The following STK3 variants were observed in gnomAD, a reference collection of about 807,000 sequenced individuals.
The protein encoded by STK3 is serine/threonine kinase 3.
A neutral mutation model predicts 58.0 loss-of-function variants in STK3; 41 were observed. The observed-to-expected ratio is 0.71, with a 90% CI of 0.55 to 0.92. STK3 has a LOEUF of 0.92. Among genes scored for constraint, STK3 ranks in the 40% least tolerant of loss-of-function variants. STK3 has a pLI of 0.00. For synonymous variants in STK3, 170 were observed against 191.0 expected, an observed-to-expected ratio of 0.89 and a Z score of 0.91; for missense variants, 479 against 602.7, an observed-to-expected ratio of 0.79 and a Z score of 2.15.
intron 8 of STK3, among the ~76,000 whole-genome samples, chr8:98,567,491 C>T (rs1455682861): frequency 3.3e-5 from 5 of 152,148 alleles, no homozygotes; most frequent in African/African-American, 1.2e-4. Flanking sequence ...AGCCACCGTG[C>T]CTGGACCATT....
chr8:98,858,202 C>T (rs769885592), intron 3 of STK3, among the ~76,000 whole-genome samples: 7 of 148,836 alleles, frequency 4.7e-5, no homozygotes, highest in Non-Finnish European at 7.4e-5. Flanking sequence ...GCCAACATGA[C>T]GAAACCCAGT....
intron 10 of STK3, among the ~76,000 whole-genome samples, chr8:98,504,618 G>T (rs549298427): frequency 5.3e-5 from 8 of 152,274 alleles, no homozygotes; most frequent in African/African-American, 1.7e-4. Context: ...TTGCTTGTTT[G>T]TAATGGATTT....
chr8:98,543,659 A>G (rs1277685975), intron 9 of STK3, among the ~76,000 whole-genome samples: 1 of 152,148 alleles, frequency 6.6e-6, no homozygotes, highest in East Asian at 1.9e-4. Context: ...TTTTCTGTAA[A>G]GTAGGGAGCA....
At chr8:98,925,645 A>T (rs1839760678) in intron 1 of STK3, among the ~76,000 whole-genome samples, 1 of 152,100 alleles carries the variant, frequency 6.6e-6, no homozygotes, top group Non-Finnish European at 1.5e-5. Context: ...TTCATCTGAA[A>T]GTTGTATTGT....
chr8:98,796,759 G>A (rs1047996180), intron 1 of STK3, among the ~76,000 whole-genome samples: 4 of 152,020 alleles, frequency 2.6e-5, no homozygotes, highest in African/African-American at 4.8e-5. Flanking sequence ...AAATCAAAAA[G>A]TAAAAAGCAA....
chr8:98,800,019 AAAGGCTTCTGAAATCAG>A lies in STK3; in HGVS notation c.27-25217_27-25201del, dbSNP rs1248591741. Among the ~76,000 whole-genome samples the A allele has an allele frequency of 6.6e-6, 1 of 152,144 alleles. No homozygotes were observed. Among genetic ancestry groups the A allele is most frequent in the African/African-American group, 2.4e-5 (1 of 41,430 alleles). ...AAGATGCCACCCAGCGTTTACAGGA[AAAGGCTTCTGAAATCAG>A]ACGCCTTTCAAATTCTTATACCAAC... On this transcript the variant is annotated intron_variant, in intron 1 of 10. Coordinates refer to ENST00000419617, the MANE Select transcript of STK3 (RefSeq NM_006281.4). The surrounding 1 kb of genome is among the most constrained non-coding windows in gnomAD (Gnocchi z 4.8).
At chr8:98,782,564 C>T (rs912929949) in intron 1 of STK3, 5 of 306,282 alleles carry the variant, frequency 1.6e-5, no homozygotes, top group African/African-American at 6.8e-5. Context: ...CCATGAAGAG[C>T]GCCTCCAGGC....
intron 6 of STK3, among the ~76,000 whole-genome samples, chr8:98,670,241 T>C (rs1254442261): frequency 6.6e-6 from 1 of 152,006 alleles, no homozygotes; most frequent in Non-Finnish European, 1.5e-5. Flanking sequence ...TGGTGGTGTG[T>C]GCCTATAGTA....
At chr8:98,381,263 A>T (rs899016183) in intron 1 of STK3, among the ~76,000 whole-genome samples, 1 of 152,008 alleles carries the variant, frequency 6.6e-6, no homozygotes, top group African/African-American at 2.4e-5. Context: ...GAGCCACCAC[A>T]TGTGGTCTAT....
In STK3 at chr8:98,660,525, T is replaced by C. The variant is rs576408206; in HGVS notation, c.684+45942A>G. Among the ~76,000 whole-genome samples the C allele has an allele frequency of 5.3e-5, 8 of 152,172 alleles. No individual in the cohort carries two copies. In the East Asian group the frequency reaches 1.3e-3, roughly 26 times the overall value. ...AATGGTACATCTTACAGGTAAAACA[T>C]GTATGTTATGTGTTACAACTTTAGG... On this transcript the variant is annotated intron_variant, in intron 6 of 10. Transcript: ENST00000419617.
chr8:98,514,194 G>A (rs902034351), intron 10 of STK3, among the ~76,000 whole-genome samples: 2 of 152,144 alleles, frequency 1.3e-5, no homozygotes, highest in African/African-American at 4.8e-5. Flanking sequence ...TCTTCTCTAA[G>A]ATGTAGGGTG....
rs1290332302 is a variant in STK3 at position 98,618,172 on chromosome 8, T to C, written c.685-22003A>G. ...GGCTGGTTCAATATACAGAAATCAA[T>C]AAATGTAATCCAGCATATAAACAGA... On this transcript the variant is annotated intron_variant, in intron 6 of 10. Transcript: ENST00000419617. Among the ~76,000 whole-genome samples, 99 of 151,944 alleles carry C rather than the reference T, an allele frequency of 6.5e-4. 1 individual carries two copies. The highest frequency in any genetic ancestry group is 2.4e-3 in the African/African-American group (98 of 41,398).
intron 1 of STK3, among the ~76,000 whole-genome samples, chr8:98,923,850 T>TGCGC (rs1210763605): frequency 6.6e-5 from 8 of 121,592 alleles, no homozygotes; most frequent in South Asian, 2.5e-4. Context: ...TGTGTGTGTG[T>TGCGC]GTGTGCGCGC....
intron 6 of STK3, among the ~76,000 whole-genome samples, chr8:98,639,046 G>GA (rs1819823206): frequency 6.6e-6 from 1 of 151,188 alleles, no homozygotes; most frequent in Admixed American, 6.6e-5. Flanking sequence ...ATAAAGCTGT[G>GA]AAAAGGCAAT....
chr8:98,553,819 G>C (rs1201799824), intron 8 of STK3, among the ~76,000 whole-genome samples: 2 of 151,968 alleles, frequency 1.3e-5, no homozygotes, highest in African/African-American at 4.8e-5. Context: ...CAAAAAATTA[G>C]CCAGGCATGG....
At chr8:98,578,933 T>C (rs865941812) in intron 8 of STK3, among the ~76,000 whole-genome samples, 1 of 152,210 alleles carries the variant, frequency 6.6e-6, no homozygotes, top group Middle Eastern at 3.4e-3. Context: ...GGTAGATTAC[T>C]TGAGGTCAGG....
chr8:98,380,211 A>G (rs1306503259), intron 1 of STK3, among the ~76,000 whole-genome samples: 2 of 152,186 alleles, frequency 1.3e-5, no homozygotes, highest in Non-Finnish European at 2.9e-5. Flanking sequence ...CAAGGTGAAT[A>G]CGCTCTACGT....
At chr8:98,816,966 G>A (rs1375647187) in intron 1 of STK3, among the ~76,000 whole-genome samples, 1 of 152,130 alleles carries the variant, frequency 6.6e-6, no homozygotes, top group Non-Finnish European at 1.5e-5. Context: ...TCAACCTGAG[G>A]GGTGATTACA....
intron 6 of STK3, among the ~76,000 whole-genome samples, chr8:98,645,100 T>G (rs1469887982): frequency 6.6e-6 from 1 of 152,182 alleles, no homozygotes; most frequent in South Asian, 2.1e-4. Flanking sequence ...ACCAAAGATT[T>G]GGGAGTTCAT....
Sources: gnomAD v4.1 joint callset for allele counts (sites outside exome capture counted in the v4.1 genomes callset) on GRCh38, gnomAD v4.1.1 for gene constraint, Gnocchi (gnomAD v3.1) non-coding constraint, MANE v1.5 for transcripts, NCBI Gene and HGNC (gene_info 2026-07-23, HGNC 2026-07-21) for gene names.